Variants in KIF21A observed in about 807,000 individuals in gnomAD.
KIF21A encodes kinesin family member 21A.
In KIF21A, 114 loss-of-function variants were observed where a neutral mutation model predicts 202.9. The observed-to-expected ratio is 0.56, with a 90% CI of 0.48 to 0.66. The LOEUF (loss-of-function observed/expected upper bound fraction) is 0.66, where lower values mean the gene tolerates loss of function less well. Ranked by LOEUF, KIF21A falls within the 30% of genes least tolerant of loss-of-function variation. The pLI, the probability that KIF21A is intolerant of heterozygous loss-of-function variation, is 0.00. For synonymous variants in KIF21A, 667 were observed against 670.8 expected (o/e 0.99, Z 0.09); for missense variants, 1,677 against 1,994.9 (o/e 0.84, Z 3.04).
Position 39,322,614 on chromosome 12 carries a change from C to G in KIF21A, c.3671+54G>C, listed in dbSNP as rs367920385. 1.9e-4 allele frequency: 225 copies of G among 1,177,676 alleles called. No individual in the cohort carries two copies. In the African/African-American group the frequency reaches 2.9e-3, roughly 15 times the overall value. The allele number at this position is 1,177,676 out of a possible 1,614,324, so 73.0% of individuals were successfully genotyped here. On this transcript the variant is annotated intron_variant, in intron 27 of 37. Coordinates refer to ENST00000361418, the MANE Select transcript of KIF21A (RefSeq NM_001173464.2). ...AAATAAGAAATTAGCAACATGCATA[C>G]TTTTTTTTTTAAAGCCAAAAGAAAA...
chr12:39,366,316 C>G, intron 6 of KIF21A, 34 bp downstream of exon 6: 1 of 1,581,810 alleles, frequency 6.3e-7, no homozygotes, highest in Non-Finnish European at 8.7e-7. Flanking sequence ...TAGAAAAGCT[C>G]TGATATATTC....
At chr12:39,409,582 T>C (rs999044642) in intron 1 of KIF21A, among the ~76,000 whole-genome samples, 4 of 151,244 alleles carry the variant, frequency 2.6e-5, no homozygotes, top group African/African-American at 9.7e-5. Flanking sequence ...GAATATTTCA[T>C]AATGATAACA....
intron 27 of KIF21A, among the ~76,000 whole-genome samples, chr12:39,320,575 G>C (rs1945103020): frequency 6.6e-6 from 1 of 151,558 alleles, no homozygotes; most frequent in Non-Finnish European, 1.5e-5. Context: ...CCAAATGTCT[G>C]CTTGTAATTA....
chr12:39,393,002 T>C lies in KIF21A; in HGVS notation c.45-22741A>G, dbSNP rs979578939. The stretch of plus-strand genomic sequence containing the variant: ...TATACTATAAATGAGCCATACTAGA[T>C]GTTTACATAAAACAAGGATCCACAT... On this transcript the variant is annotated intron_variant, in intron 1 of 37. Transcript: ENST00000361418. Among the ~76,000 whole-genome samples the C allele has an allele frequency of 2.7e-5, 4 of 148,970 alleles. No homozygotes were observed. The South Asian group carries it at 8.9e-4, about 33-fold the overall frequency.
intron 1 of KIF21A, among the ~76,000 whole-genome samples, chr12:39,434,797 C>CA (rs1393430799): frequency 1.3e-5 from 2 of 152,134 alleles, no homozygotes; most frequent in Non-Finnish European, 2.9e-5. Flanking sequence ...ACCATGTGAT[C>CA]AATATGCCAC....
Position 39,442,497 on chromosome 12 carries a change from C to G in KIF21A, c.44+430G>C, listed in dbSNP as rs1429771363. On this transcript the variant is annotated intron_variant, in intron 1 of 37. Transcript: ENST00000361418. The surrounding 1 kb of genome is among the most constrained non-coding windows in gnomAD (Gnocchi z 5.0). ...CCTGGGAAGGCCGGAGCTGCATGGA[C>G]ACGTATGACAGACATTCTAGAACTA... Among the ~76,000 whole-genome samples, 1 of 152,128 alleles carries G rather than the reference C, an allele frequency of 6.6e-6. No homozygotes were observed. The highest frequency in any genetic ancestry group is 1.5e-5 in the Non-Finnish European group (1 of 68,008).
At chr12:39,383,404 C>T (rs1950742717) in intron 1 of KIF21A, among the ~76,000 whole-genome samples, 1 of 152,112 alleles carries the variant, frequency 6.6e-6, no homozygotes, top group Admixed American at 6.5e-5. Flanking sequence ...ATAAAGGTTC[C>T]TGCTATATCA....
intron 31 of KIF21A, among the ~76,000 whole-genome samples, chr12:39,313,729 C>T (rs935640425): frequency 5.3e-5 from 8 of 151,760 alleles, no homozygotes; most frequent in African/African-American, 1.7e-4. Context: ...ATTTTATATG[C>T]CGACTCACTA....
intron 1 of KIF21A, among the ~76,000 whole-genome samples, chr12:39,376,710 T>C (rs1028475127): frequency 6.6e-6 from 1 of 152,126 alleles, no homozygotes; most frequent in Non-Finnish European, 1.5e-5. Context: ...CATCACTCAA[T>C]CCAATGATGC....
chr12:39,315,839 G>A, intron 30 of KIF21A, 93 bp downstream of exon 30: 1 of 864,470 alleles, frequency 1.2e-6, no homozygotes. Context: ...AGTGATGCAT[G>A]CAACAAAAAT....
chr12:39,442,245 A>T lies in KIF21A; in HGVS notation c.44+682T>A. On this transcript the variant is annotated intron_variant, in intron 1 of 37. Transcript: ENST00000361418. This position sits in a 1 kb window ranked among gnomAD's most constrained non-coding sequence, Gnocchi z 5.0. ...CATTTCACCCTTCCTCTGGCTAAAGAGTTTTCCTCCTTCTGTAGACCTCTC... is the reference window on the plus strand; with the variant it reads ...CATTTCACCCTTCCTCTGGCTAAAGTGTTTTCCTCCTTCTGTAGACCTCTC... Among the ~76,000 whole-genome samples the T allele has an allele frequency of 6.6e-6, 1 of 152,146 alleles. No individual in the cohort carries two copies. The highest frequency in any genetic ancestry group is 1.9e-4 in the East Asian group (1 of 5,156).
chr12:39,381,306 CAAAAA>C (rs542073175), intron 1 of KIF21A, among the ~76,000 whole-genome samples: 1 of 64,912 alleles, frequency 1.5e-5, no homozygotes. Flanking sequence ...GACTCTGTCT[CAAAAA>C]AAAAAAAAAA....
intron 23 of KIF21A, 22 bp from the exon 24 acceptor site, chr12:39,330,284 G>A (rs1259005942): frequency 6.2e-7 from 1 of 1,609,720 alleles, no homozygotes; most frequent in Non-Finnish European, 8.5e-7. Flanking sequence ...ACAGCAAAAA[G>A]GAAACAAAAA....
chr12:39,313,696 A>C (rs185643296), intron 31 of KIF21A, among the ~76,000 whole-genome samples: 1 of 152,008 alleles, frequency 6.6e-6, no homozygotes. Context: ...GCCTGAAAAA[A>C]ATCACTGAAA....
intron 5 of KIF21A, among the ~76,000 whole-genome samples, chr12:39,366,756 CAGCATATAATCCTCAAA>C (rs1949629548): frequency 1.3e-5 from 2 of 152,182 alleles, no homozygotes; most frequent in African/African-American, 4.8e-5. Context: ...GGGAAACCTA[CAGCATATAATCCTCAAA>C]AGCAAAAGGT....
intron 1 of KIF21A, among the ~76,000 whole-genome samples, chr12:39,398,474 G>T (rs950847001): frequency 2.0e-5 from 3 of 152,052 alleles, no homozygotes; most frequent in Non-Finnish European, 4.4e-5. Flanking sequence ...AGTGGCATGC[G>T]CCTGTAGTCC....
chr12:39,315,222 T>G lies in KIF21A; in HGVS notation c.3959+7A>C. ...GAAATTAATTTCCTCTCCCTTCCCC[T>G]GCCTACCTTCTGGAGGATCTGCTGA... On this transcript the variant is annotated splice_region_variant and intron_variant, in intron 31 of 37. Coordinates refer to ENST00000361418, the MANE Select transcript of KIF21A (RefSeq NM_001173464.2). The G allele has an allele frequency of 1.9e-6, 3 of 1,611,974 alleles. No individual in the cohort carries two copies. The highest frequency in any genetic ancestry group is 2.5e-6 in the Non-Finnish European group (3 of 1,178,542).
At chr12:39,325,696 A>T (rs539866898) in intron 26 of KIF21A, 143 bp downstream of exon 26, 114 of 647,478 alleles carry the variant, frequency 1.8e-4, no homozygotes, top group South Asian at 2.5e-4. Context: ...AAATATGATT[A>T]AAAAAACTAA....
chr12:39,312,159 T>C (rs1024777293), intron 31 of KIF21A: 2 of 153,086 alleles, frequency 1.3e-5, no homozygotes, highest in Non-Finnish European at 2.9e-5. Flanking sequence ...AAAGAAAATG[T>C]ACATACACAC....
Sources: gnomAD v4.1 joint callset for allele counts (sites outside exome capture counted in the v4.1 genomes callset) on GRCh38, gnomAD v4.1.1 for gene constraint, Gnocchi (gnomAD v3.1) non-coding constraint, MANE v1.5 for transcripts, NCBI Gene and HGNC (gene_info 2026-07-23, HGNC 2026-07-21) for gene names.